Variants in JAKMIP2 observed in about 807,000 individuals in gnomAD.
JAKMIP2 encodes janus kinase and microtubule interacting protein 2, also known as janus kinase and microtubule-interacting protein 2.
In JAKMIP2, 25 loss-of-function variants were observed where a neutral mutation model predicts 115.0. The ratio of observed to expected loss-of-function variants is 0.22; its 90% CI spans 0.16 to 0.30. The LOEUF is 0.30. Among genes scored for constraint, JAKMIP2 ranks in the 10% least tolerant of loss-of-function variants. JAKMIP2 has a pLI of 1.00. For synonymous variants in JAKMIP2, 334 were observed against 343.6 expected (o/e 0.97, Z 0.31); for missense variants, 642 against 957.6 (o/e 0.67, Z 4.35).
chr5:147,738,227 T>G (rs933120160), intron 1 of JAKMIP2, among the ~76,000 whole-genome samples: 16 of 152,186 alleles, frequency 1.1e-4, no homozygotes, highest in African/African-American at 3.9e-4. Context: ...AGCTGCCATT[T>G]TAGTAAAATG....
At chr5:147,692,222 T>A (rs1417861136) in intron 1 of JAKMIP2, among the ~76,000 whole-genome samples, 6 of 152,126 alleles carry the variant, frequency 3.9e-5, no homozygotes, top group Non-Finnish European at 7.4e-5. Context: ...AGGCAGAGAT[T>A]GGGGCATTGT....
chr5:147,782,375 C>A, intron 1 of JAKMIP2, 81 bp downstream of exon 1: 1 of 1,399,428 alleles, frequency 7.1e-7, no homozygotes, highest in South Asian at 1.2e-5. Flanking sequence ...AGTCATTGTT[C>A]AAGTTCAGGC....
At chr5:147,639,790 A>G (rs369960716) in intron 9 of JAKMIP2, 30 bp from the exon 10 acceptor site, 1 of 1,608,870 alleles carries the variant, frequency 6.2e-7, no homozygotes, top group Non-Finnish European at 8.5e-7. Flanking sequence ...GCCCCAAAAC[A>G]ATTGTGTTAT....
chr5:147,618,013 C>T lies in JAKMIP2; in HGVS notation c.2244G>A (p.Arg748=). The T allele has an allele frequency of 6.2e-7, 1 of 1,614,172 alleles. No individual in the cohort carries two copies. The highest frequency in any genetic ancestry group is 8.5e-7 in the Non-Finnish European group (1 of 1,180,000). The stretch of plus-strand genomic sequence containing the variant: ...GCCGCCGTAACTTTTCTACTGCCGT[C>T]CTCAGCTCCTCTTGCTGTTTTTCAC... ...LLSEKQQEEL[R]TAVEKLRRQM... Residue 748 remains arginine (R), a synonymous_variant, in exon 19 of 22, where the codon AGG becomes AGA. Transcript: ENST00000616793.
rs1305184725 is a variant in JAKMIP2 at position 147,588,139 on chromosome 5, A to ATGCTTT, written c.*3567_*3568insAAAGCA. 7.2e-5 allele frequency: 11 copies of ATGCTTT among 152,130 alleles called. 1 individual carries two copies. The East Asian group carries it at 1.9e-3, about 27-fold the overall frequency. 9.4% of individuals were successfully genotyped at this position (152,130 alleles called of 1,614,324 possible). ...TAGTAATAGATGCTTTTTAAGTATG[A>ATGCTTT]TAGTCAAAGATAGTCTCTCTATGTT... On this transcript the variant is annotated 3_prime_UTR_variant, in exon 22 of 22. Transcript: ENST00000616793.
intron 1 of JAKMIP2, among the ~76,000 whole-genome samples, chr5:147,779,908 C>G (rs568985933): frequency 6.6e-6 from 1 of 152,268 alleles, no homozygotes; most frequent in Non-Finnish European, 1.5e-5. Flanking sequence ...CAGTTGACTA[C>G]TCACACTTAC....
At chr5:147,650,645 C>G in intron 3 of JAKMIP2, 98 bp from the exon 4 acceptor site, 1 of 900,480 alleles carries the variant, frequency 1.1e-6, no homozygotes, top group African/African-American at 1.7e-5. Flanking sequence ...CTGATTGATA[C>G]AGAAAAAAAA....
intron 1 of JAKMIP2, among the ~76,000 whole-genome samples, chr5:147,739,637 T>C (rs1754066543): frequency 6.6e-6 from 1 of 151,992 alleles, no homozygotes; most frequent in Non-Finnish European, 1.5e-5. Flanking sequence ...AGAAGAGAGC[T>C]TGAAGCTCTC....
Position 147,639,794 on chromosome 5 carries a change from G to A in JAKMIP2, c.1402-34C>T, listed in dbSNP as rs199542166. Reference sequence around the variant, plus strand: ...TAAGAAAAAAAGCCCCAAAACAATTGTGTTATGTTCAGGTCCTGTTTTCAA... The same window carrying A: ...TAAGAAAAAAAGCCCCAAAACAATTATGTTATGTTCAGGTCCTGTTTTCAA... On this transcript the variant is annotated intron_variant, in intron 9 of 21. Coordinates refer to ENST00000616793, the MANE Select transcript of JAKMIP2 (RefSeq NM_001270941.2). 364 of 1,607,656 alleles carry A rather than the reference G, an allele frequency of 2.3e-4. 3 individuals carry two copies. In the East Asian group the frequency reaches 8.1e-3, roughly 36 times the overall value.
intron 1 of JAKMIP2, among the ~76,000 whole-genome samples, chr5:147,758,145 A>C (rs963645277): frequency 1.3e-5 from 2 of 152,288 alleles, no homozygotes; most frequent in East Asian, 3.9e-4. Flanking sequence ...AAGGTCTCTG[A>C]GGTTTAATTC....
chr5:147,775,918 G>A (rs941720084), intron 1 of JAKMIP2, among the ~76,000 whole-genome samples: 1 of 152,108 alleles, frequency 6.6e-6, no homozygotes, highest in African/African-American at 2.4e-5. Context: ...GAAGAGTAGG[G>A]AAAGCAAATA....
chr5:147,612,452 A>G, intron 19 of JAKMIP2, 81 bp from the exon 20 acceptor site: 1 of 777,012 alleles, frequency 1.3e-6, no homozygotes, highest in Non-Finnish European at 2.1e-6. Context: ...TGAAAACACG[A>G]AACTTCCTAT....
chr5:147,702,600 GAAGGAAAGAAA>G (rs1561547309), intron 1 of JAKMIP2, among the ~76,000 whole-genome samples: 117 of 102,316 alleles, frequency 1.1e-3, no homozygotes, highest in African/African-American at 2.2e-3. Context: ...AAGAAAGAAA[GAAGGAAAGAAA>G]GAAAGAAAGA....
chr5:147,738,170 A>G (rs951690458), intron 1 of JAKMIP2, among the ~76,000 whole-genome samples: 1 of 151,848 alleles, frequency 6.6e-6, no homozygotes, highest in Non-Finnish European at 1.5e-5. Flanking sequence ...TTTTTTTCCC[A>G]CTTAAAACAC....
intron 1 of JAKMIP2, among the ~76,000 whole-genome samples, chr5:147,698,598 C>G (rs1036604416): frequency 6.6e-6 from 1 of 152,152 alleles, no homozygotes; most frequent in Non-Finnish European, 1.5e-5. Context: ...ATGCTGTTCT[C>G]ATGATAGTGA....
chr5:147,781,115 C>T (rs72835179), intron 1 of JAKMIP2, among the ~76,000 whole-genome samples: 7,151 of 152,258 alleles, frequency 0.047, 209 homozygotes, highest in South Asian at 0.13. Flanking sequence ...ATTTCAGCTA[C>T]AAGCCACACA....
At chr5:147,729,959 G>A (rs1171465414) in intron 1 of JAKMIP2, among the ~76,000 whole-genome samples, 1 of 152,074 alleles carries the variant, frequency 6.6e-6, no homozygotes, top group Non-Finnish European at 1.5e-5. Flanking sequence ...CAAGACCATA[G>A]AGGTTGTTTA....
intron 13 of JAKMIP2, among the ~76,000 whole-genome samples, chr5:147,631,842 C>T (rs752712630): frequency 2.3e-4 from 35 of 152,066 alleles, no homozygotes; most frequent in Non-Finnish European, 4.3e-4. Context: ...GTTTTATGGC[C>T]GCTAACAGCC....
intron 6 of JAKMIP2, among the ~76,000 whole-genome samples, 180 bp downstream of exon 6, chr5:147,644,670 C>T (rs1758041367): frequency 1.3e-5 from 2 of 152,130 alleles, no homozygotes; most frequent in African/African-American, 2.4e-5. Flanking sequence ...ATATAGAAAC[C>T]TCATAAAATT....
Sources: gnomAD v4.1 joint callset for allele counts (sites outside exome capture counted in the v4.1 genomes callset) on GRCh38, gnomAD v4.1.1 for gene constraint, MANE v1.5 for transcripts, NCBI Gene and HGNC (gene_info 2026-07-23, HGNC 2026-07-21) for gene names.